TMEM47: variants seen among roughly 807,000 people sequenced by gnomAD.
TMEM47 encodes the protein brain cell membrane protein 1.
Under a neutral mutation model 12.4 loss-of-function variants are expected in TMEM47, and 3 were observed. The ratio of observed to expected loss-of-function variants is 0.24; its 90% CI spans 0.11 to 0.63. The LOEUF is 0.63. TMEM47 is among the 20% of genes least tolerant of loss of function. The pLI, the probability that TMEM47 is intolerant of heterozygous loss-of-function variation, is 0.86. For synonymous variants in TMEM47, 62 were observed against 63.3 expected (o/e 0.98, Z 0.10); for missense variants, 89 against 143.8 (o/e 0.62, Z 1.95).
intron 1 of TMEM47, among the ~76,000 whole-genome samples, chrX:34,648,467 C>T (rs1273325048): frequency 9.0e-6 from 1 of 111,635 alleles, no homozygotes; most frequent in African/African-American, 3.3e-5. Context: ...ACAAATGATG[C>T]TGGGATAACT....
chrX:34,646,597 T>G (rs1401564876), intron 1 of TMEM47, among the ~76,000 whole-genome samples: 2 of 111,976 alleles, frequency 1.8e-5, no homozygotes, highest in Non-Finnish European at 3.8e-5. Flanking sequence ...TTTTTCACTC[T>G]TTGAATAAAA....
At chrX:34,643,163 C>T (rs1338476009) in intron 1 of TMEM47, among the ~76,000 whole-genome samples, 2 of 111,091 alleles carry the variant, frequency 1.8e-5, no homozygotes, top group African/African-American at 6.6e-5. Context: ...GTTACCATTT[C>T]CCTCTCTCTT....
At chrX:34,656,155 C>T (rs1922103916) in intron 1 of TMEM47, among the ~76,000 whole-genome samples, 2 of 111,549 alleles carry the variant, frequency 1.8e-5, no homozygotes, top group African/African-American at 6.5e-5. Context: ...AGAAGAGTTA[C>T]TTAGAGTGGC....
chrX:34,636,202 G>T (rs1345595184), intron 2 of TMEM47, among the ~76,000 whole-genome samples: 2 of 111,208 alleles, frequency 1.8e-5, no homozygotes, highest in Non-Finnish European at 3.8e-5. Context: ...ACTTGAAATG[G>T]TTCCAGCTAT....
chrX:34,647,859 T>C (rs1921941485), intron 1 of TMEM47, among the ~76,000 whole-genome samples: 1 of 112,187 alleles, frequency 8.9e-6, no homozygotes, highest in Non-Finnish European at 1.9e-5. Context: ...GGTTGACTTC[T>C]ACAAAATTTG....
At chrX:34,655,855 G>A (rs1049834190) in intron 1 of TMEM47, among the ~76,000 whole-genome samples, 1 of 111,448 alleles carries the variant, frequency 9.0e-6, no homozygotes, top group Admixed American at 9.6e-5. Context: ...TCTCTTCGCT[G>A]ACACCAGCAG....
At chrX:34,646,469 C>T (rs927608722) in intron 1 of TMEM47, among the ~76,000 whole-genome samples, 7 of 111,955 alleles carry the variant, frequency 6.3e-5, no homozygotes, top group Non-Finnish European at 1.1e-4. Context: ...TGAAAGTTTT[C>T]ATAAGCATTT....
intron 1 of TMEM47, among the ~76,000 whole-genome samples, chrX:34,656,079 C>A (rs1417567156): frequency 9.0e-6 from 1 of 110,855 alleles, no homozygotes; most frequent in Non-Finnish European, 1.9e-5. Context: ...TCAGCGCTGG[C>A]GGAATAAAGC....
At chrX:34,631,417 C>A (rs941265048) in intron 2 of TMEM47, among the ~76,000 whole-genome samples, 2 of 111,113 alleles carry the variant, frequency 1.8e-5, no homozygotes, top group African/African-American at 6.5e-5. Context: ...TCCAAAGCTA[C>A]TTTCATTATT....
At chrX:34,642,359 T>C (rs1921833949) in intron 1 of TMEM47, among the ~76,000 whole-genome samples, 1 of 112,557 alleles carries the variant, frequency 8.9e-6, no homozygotes, top group Admixed American at 9.4e-5. Flanking sequence ...GCTTAACCAA[T>C]ATAGCGAGAG....
At chrX:34,648,446 C>T (rs1454166431) in intron 1 of TMEM47, among the ~76,000 whole-genome samples, 1 of 111,723 alleles carries the variant, frequency 9.0e-6, no homozygotes, top group Non-Finnish European at 1.9e-5. Context: ...GGAGAAAAGA[C>T]TCCCTGTTCA....
chrX:34,648,410 T>C (rs763266022), intron 1 of TMEM47, among the ~76,000 whole-genome samples: 9 of 111,494 alleles, frequency 8.1e-5, no homozygotes, highest in African/African-American at 2.9e-4. Context: ...ATGTGATCTT[T>C]GACAAAATTG....
chrX:34,647,517 T>A (rs1921935191), intron 1 of TMEM47, among the ~76,000 whole-genome samples: 1 of 111,573 alleles, frequency 9.0e-6, no homozygotes. Context: ...CCATGGATGT[T>A]TCGTTGTACA....
chrX:34,641,283 AATCCATCCATCC>A (rs756198060), intron 1 of TMEM47, among the ~76,000 whole-genome samples: 1 of 111,022 alleles, frequency 9.0e-6, no homozygotes, highest in African/African-American at 3.3e-5. Context: ...AAAAAAATAA[AATCCATCCATCC>A]ATCCATCCAT....
At chrX:34,646,741 G>A (rs1921918178) in intron 1 of TMEM47, among the ~76,000 whole-genome samples, 1 of 110,834 alleles carries the variant, frequency 9.0e-6, no homozygotes, top group Non-Finnish European at 1.9e-5. Context: ...GGGGAGCTAA[G>A]AATAATCAAA....
At chrX:34,649,597 T>G (rs1921978441) in intron 1 of TMEM47, among the ~76,000 whole-genome samples, 1 of 110,849 alleles carries the variant, frequency 9.0e-6, no homozygotes, top group Non-Finnish European at 1.9e-5. Context: ...TAATAACTAT[T>G]GGGTACTAGG....
Position 34,627,173 on chromosome X carries a change from T to C in TMEM47, c.*3140A>G, listed in dbSNP as rs1194285855. On this transcript the variant is annotated 3_prime_UTR_variant, in exon 3 of 3. Transcript: ENST00000275954. ...AAGAACTGATTGTGAAACTGCAAAC[T>C]CAAAATCACTGGAGTGATAAACAGG... is the stretch of plus-strand genomic sequence containing the variant. 2 of 111,078 alleles carry C rather than the reference T, an allele frequency of 1.8e-5. No homozygotes were observed. The highest frequency in any genetic ancestry group is 3.8e-5 in the Non-Finnish European group (2 of 52,919). The allele number at this position is 111,078 out of a possible 1,213,427, so 9.2% of individuals were successfully genotyped here.
intron 2 of TMEM47, among the ~76,000 whole-genome samples, chrX:34,633,380 C>T (rs1921659569): frequency 1.8e-5 from 2 of 110,909 alleles, no homozygotes; most frequent in Non-Finnish European, 3.8e-5. Context: ...ACTGAGCATT[C>T]CCACGTGAAA....
At chrX:34,645,198 G>C (rs993474728) in intron 1 of TMEM47, among the ~76,000 whole-genome samples, 2 of 111,493 alleles carry the variant, frequency 1.8e-5, no homozygotes, top group African/African-American at 6.5e-5. Context: ...GGAAATAGTA[G>C]GATGGTTTAG....
Sources: allele counts gnomAD v4.1 joint callset (sites outside exome capture counted in the v4.1 genomes callset), GRCh38; gene constraint gnomAD v4.1.1; transcripts MANE v1.5; gene names NCBI Gene and HGNC (gene_info 2026-07-23, HGNC 2026-07-21).